Variants in GATA4 observed in about 807,000 individuals in gnomAD.
GATA4 encodes transcription factor GATA-4.
A neutral mutation model predicts 37.9 loss-of-function variants in GATA4; 7 were observed. The ratio of observed to expected loss-of-function variants is 0.18; its 90% CI spans 0.11 to 0.35. The LOEUF (loss-of-function observed/expected upper bound fraction) is 0.35. Ranked by LOEUF, GATA4 falls within the 10% of genes least tolerant of loss-of-function variation. GATA4 has a pLI of 1.00. For missense variants in GATA4, 647 were observed against 653.0 expected, an observed-to-expected ratio of 0.99 and a Z score of 0.10; for synonymous variants, 372 against 292.6, an observed-to-expected ratio of 1.27 and a Z score of -2.77.
At position 11,757,056 on chromosome 8, in the gene GATA4, C is replaced by T; in HGVS notation, c.1122C>T (p.His374=). 6.2e-7 allele frequency: 1 copy of T among 1,614,192 alleles called. No homozygotes were observed. Residue 374 remains histidine, a synonymous_variant, in exon 6 of 7, where the codon CAC becomes CAT. Coordinates refer to ENST00000532059, the MANE Select transcript of GATA4 (RefSeq NM_001308093.3). ...AGACGGAGCCTGGCCTGTCATCTCA[C>T]TACGGGCACAGCAGCTCCGTGTCCC... The part of the protein sequence containing the change: ...PIKTEPGLSS[H]YGHSSSVSQT...
chr8:11,698,428 A>C (rs1306161648), intron 1 of GATA4, among the ~76,000 whole-genome samples: 1 of 152,118 alleles, frequency 6.6e-6, no homozygotes, highest in Non-Finnish European at 1.5e-5. Flanking sequence ...GAGTGAATGC[A>C]TGAGTGAATG....
chr8:11,678,911 T>C (rs927288962), intron 1 of GATA4, among the ~76,000 whole-genome samples: 1 of 152,330 alleles, frequency 6.6e-6, no homozygotes, highest in East Asian at 1.9e-4. Flanking sequence ...TGCTTAGTAT[T>C]GAGGAAGTGT....
In GATA4 at chr8:11,707,009, C is replaced by T. The variant is rs1253562999; in HGVS notation, c.-457-847C>T. ...ATCAAGTTCCACAAACTGCTCTTTCCCCAAGCACCCACCTTGGTGTTATGA... is the reference window on the plus strand; with the variant it reads ...ATCAAGTTCCACAAACTGCTCTTTCTCCAAGCACCCACCTTGGTGTTATGA... On this transcript the variant is annotated intron_variant, in intron 1 of 6. Transcript: ENST00000532059. This position sits in a 1 kb window ranked among gnomAD's most constrained non-coding sequence, Gnocchi z 4.7. Among the ~76,000 whole-genome samples the T allele has an allele frequency of 6.6e-6, 1 of 152,150 alleles. No homozygotes were observed. Among genetic ancestry groups the T allele is most frequent in the African/African-American group, 2.4e-5 (1 of 41,412 alleles).
chr8:11,680,518 C>T (rs1284906922), intron 1 of GATA4: 3 of 985,354 alleles, frequency 3.0e-6, no homozygotes, highest in Admixed American at 6.1e-5. Context: ...GGCCAGGTCA[C>T]CTCGGACGGG....
intron 1 of GATA4, chr8:11,680,885 C>A (rs556886741): frequency 1.0e-6 from 1 of 985,224 alleles, no homozygotes; most frequent in African/African-American, 1.7e-5. Context: ...GTTGCGACCC[C>A]CTGTGTGAGA....
rs1315869501 is a variant in GATA4 at position 11,707,540 on chromosome 8, GTAACA to G, written c.-457-314_-457-310del. 6.6e-6 allele frequency among the ~76,000 whole-genome samples: 1 copy of G among 152,084 alleles called. No individual in the cohort carries two copies. Among genetic ancestry groups the G allele is most frequent in the African/African-American group, 2.4e-5 (1 of 41,398 alleles). ...TACAAAAATATGCTTGCAGAATAAG[GTAACA>G]TTAAAGTCCTTCCTGACAAGCAATA... On this transcript the variant is annotated intron_variant, in intron 1 of 6. Transcript: ENST00000532059. This position sits in a 1 kb window ranked among gnomAD's most constrained non-coding sequence, Gnocchi z 4.7.
intron 2 of GATA4, among the ~76,000 whole-genome samples, chr8:11,736,883 T>C (rs1299469809): frequency 1.6e-4 from 25 of 152,216 alleles, no homozygotes; most frequent in Non-Finnish European, 1.5e-5. Flanking sequence ...GAGGCCTATA[T>C]AGGCAAAATG....
At chr8:11,734,864 C>G (rs1801382686) in intron 2 of GATA4, among the ~76,000 whole-genome samples, 2 of 152,150 alleles carry the variant, frequency 1.3e-5, no homozygotes, top group Admixed American at 6.6e-5. Flanking sequence ...TCCCAAATGC[C>G]CAACCTCCAA....
chr8:11,740,363 G>A (rs1485740494), intron 2 of GATA4, among the ~76,000 whole-genome samples: 2 of 152,210 alleles, frequency 1.3e-5, no homozygotes, highest in Non-Finnish European at 2.9e-5. Flanking sequence ...TTAGTAATAT[G>A]CCCCCTCCCC....
chr8:11,680,359 C>A, intron 1 of GATA4: 1 of 463,068 alleles, frequency 2.2e-6, no homozygotes, highest in Non-Finnish European at 2.8e-6. Context: ...GGAATCTCTG[C>A]AAGTAACTAA....
chr8:11,735,618 A>G (rs1457844417), intron 2 of GATA4, among the ~76,000 whole-genome samples: 1 of 152,002 alleles, frequency 6.6e-6, no homozygotes, highest in Non-Finnish European at 1.5e-5. Flanking sequence ...GCTGGAGTGC[A>G]ATGGTGCAAT....
chr8:11,730,815 G>GC, intron 2 of GATA4, among the ~76,000 whole-genome samples: 1 of 152,338 alleles, frequency 6.6e-6, no homozygotes, highest in South Asian at 2.1e-4. Context: ...ACAGGGACCT[G>GC]CCCAAGGCCA....
rs552531441 is a variant in GATA4, at chr8:11,750,324, T to C, written c.912+88T>C. 2.5e-3 allele frequency: 3,885 copies of C among 1,555,354 alleles called. 6 individuals are homozygous for C. The highest frequency in any genetic ancestry group is 3.2e-3 in the Non-Finnish European group (3,656 of 1,142,168). On this transcript the variant is annotated intron_variant, in intron 4 of 6. Transcript: ENST00000532059. ...TTGTCTTCTTCCTTTGTACTAGCATTCATTTTTCCTTCTTAACAAAGAGAC... is the reference window on the plus strand; with the variant it reads ...TTGTCTTCTTCCTTTGTACTAGCATCCATTTTTCCTTCTTAACAAAGAGAC...
rs757198569 is a variant in GATA4 at position 11,758,487 on chromosome 8, C to T, written c.*12C>T. The T allele has an allele frequency of 1.2e-6, 2 of 1,614,016 alleles. No individual in the cohort carries two copies. Among genetic ancestry groups the T allele is most frequent in the South Asian group, 1.1e-5 (1 of 91,074 alleles). On this transcript the variant is annotated 3_prime_UTR_variant, in exon 7 of 7. Coordinates refer to ENST00000532059, the MANE Select transcript of GATA4 (RefSeq NM_001308093.3). ...TAATCACTGCGTAATCTTCCCTCTT[C>T]CCTCCTCAAATTCCTGCACGGACCT...
upstream of GATA4, among the ~76,000 whole-genome samples, chr8:11,702,657 GC>G (rs1455541289): frequency 1.3e-5 from 2 of 151,346 alleles, no homozygotes; most frequent in Non-Finnish European, 2.9e-5. The surrounding 1 kb of genome is among the most constrained non-coding windows in gnomAD (Gnocchi z 4.4). Context: ...CGCCAATTCT[GC>G]TAAGTAGCAG....
chr8:11,686,337 T>C (rs1799134933), intron 1 of GATA4, among the ~76,000 whole-genome samples: 1 of 152,164 alleles, frequency 6.6e-6, no homozygotes, highest in Non-Finnish European at 1.5e-5. Context: ...AATTGCATTC[T>C]GAATATAGCA....
Position 11,755,119 on chromosome 8 carries a change from C to G in GATA4, c.986C>G (p.Ser329Cys). Residue 329 changes from serine (S) to cysteine (C), a missense_variant, in exon 5 of 7, where the codon TCT becomes TGT. By Grantham distance (112) the Ser-to-Cys change is moderately radical. Coordinates refer to ENST00000532059, the MANE Select transcript of GATA4 (RefSeq NM_001308093.3). ...RKRKPKNLNKSKTPAAPSGSE... is the reference protein window; with the variant it reads ...RKRKPKNLNKCKTPAAPSGSE... Reference sequence around the variant, plus strand: ...CGGAAGCCCAAGAACCTGAATAAATCTAAGACACCAGCAGGTGAGGAAAAG... The same window carrying G: ...CGGAAGCCCAAGAACCTGAATAAATGTAAGACACCAGCAGGTGAGGAAAAG... The G allele has an allele frequency of 6.2e-7, 1 of 1,613,534 alleles. No homozygotes were observed. The highest frequency in any genetic ancestry group is 1.3e-5 in the African/African-American group (1 of 75,038).
rs1216514150 is a variant in GATA4 at position 11,756,975 on chromosome 8, TTCCAGCAAC to T, written c.1051_1059del (p.Ser351_Asn353del). ...AGAGCCTTCCTCCCGCCAGCGGTGC[TTCCAGCAAC>T]TCCAGCAACGCCACCACCAGCAGCA... is the stretch of plus-strand genomic sequence containing the variant. On this transcript the variant is annotated inframe_deletion, in exon 6 of 7. Transcript: ENST00000532059. 1 of 1,614,116 alleles carries T rather than the reference TTCCAGCAAC, an allele frequency of 6.2e-7. No individual in the cohort carries two copies.
At chr8:11,684,357 T>C (rs977175491) in intron 1 of GATA4, among the ~76,000 whole-genome samples, 1 of 152,242 alleles carries the variant, frequency 6.6e-6, no homozygotes, top group African/African-American at 2.4e-5. Context: ...ATTTCTAGCA[T>C]AGTCTAAAAA....
Sources: gnomAD v4.1 joint callset for allele counts (sites outside exome capture counted in the v4.1 genomes callset) on GRCh38, gnomAD v4.1.1 for gene constraint, Gnocchi (gnomAD v3.1) non-coding constraint, MANE v1.5 for transcripts, NCBI Gene and HGNC (gene_info 2026-07-23, HGNC 2026-07-21) for gene names.